The following CDH12 variants were observed in gnomAD, a reference collection of about 807,000 sequenced individuals.
CDH12 encodes cadherin 12.
A neutral mutation model predicts 74.1 loss-of-function variants in CDH12; 41 were observed. The ratio of observed to expected loss-of-function variants is 0.55; its 90% CI spans 0.43 to 0.72. The LOEUF (loss-of-function observed/expected upper bound fraction) is 0.72. CDH12 is among the 30% of genes least tolerant of loss of function. CDH12 has a pLI of 0.00. For synonymous variants in CDH12, 399 were observed against 355.0 expected (o/e 1.12, Z -1.39); for missense variants, 945 against 977.2 (o/e 0.97, Z 0.44).
chr5:22,376,445 G>A (rs1741527994), intron 3 of CDH12, among the ~76,000 whole-genome samples: 1 of 152,150 alleles, frequency 6.6e-6, no homozygotes, highest in Non-Finnish European at 1.5e-5. Context: ...GTAGCTAGAA[G>A]AGAGGACTTG....
At chr5:22,578,479 C>T (rs1259944610) in intron 1 of CDH12, among the ~76,000 whole-genome samples, 1 of 151,916 alleles carries the variant, frequency 6.6e-6, no homozygotes, top group Non-Finnish European at 1.5e-5. Context: ...TGTGTAAGTG[C>T]TCCTAAAACA....
intron 1 of CDH12, among the ~76,000 whole-genome samples, chr5:22,795,117 A>T (rs1041648506): frequency 2.0e-5 from 3 of 152,188 alleles, no homozygotes; most frequent in African/African-American, 7.2e-5. Context: ...TATTCAAACA[A>T]GGCTCTTTTG....
intron 4 of CDH12, among the ~76,000 whole-genome samples, chr5:22,170,396 A>C (rs1748949750): frequency 2.0e-5 from 3 of 151,810 alleles, no homozygotes. Context: ...CTTTTAAGGC[A>C]ATTGTACTTC....
chr5:21,767,209 T>G (rs1208988087), intron 11 of CDH12, among the ~76,000 whole-genome samples: 2 of 151,852 alleles, frequency 1.3e-5, no homozygotes, highest in African/African-American at 4.8e-5. Flanking sequence ...AAAATGAGAA[T>G]GTCTTTTTTA....
At chr5:22,409,681 A>G (rs1743098465) in intron 2 of CDH12, among the ~76,000 whole-genome samples, 1 of 152,094 alleles carries the variant, frequency 6.6e-6, no homozygotes, top group Non-Finnish European at 1.5e-5. Flanking sequence ...GATTCTACTC[A>G]ATGTTTCTTC....
chr5:22,375,924 A>G (rs929230038), intron 3 of CDH12, among the ~76,000 whole-genome samples: 7 of 152,216 alleles, frequency 4.6e-5, no homozygotes, highest in African/African-American at 7.2e-5. Flanking sequence ...AACTAAAAAT[A>G]AAACTACTGT....
chr5:21,837,054 C>A (rs1210801424), intron 8 of CDH12, among the ~76,000 whole-genome samples: 1 of 151,930 alleles, frequency 6.6e-6, no homozygotes, highest in Admixed American at 6.6e-5. Flanking sequence ...GGTTCTTGGA[C>A]AAGTTATCTA....
chr5:22,587,128 G>A (rs1211939236), intron 1 of CDH12, among the ~76,000 whole-genome samples: 1 of 151,996 alleles, frequency 6.6e-6, no homozygotes, highest in South Asian at 2.1e-4. Context: ...GAGCCATTGC[G>A]CACAGCCTAG....
At chr5:22,223,383 T>C (rs1580420890) in intron 3 of CDH12, among the ~76,000 whole-genome samples, 1 of 152,090 alleles carries the variant, frequency 6.6e-6, no homozygotes, top group Non-Finnish European at 1.5e-5. Context: ...GATCACAGTC[T>C]AAGAAAAAGA....
chr5:22,807,252 G>T (rs1464572755), intron 1 of CDH12, among the ~76,000 whole-genome samples: 2 of 152,044 alleles, frequency 1.3e-5, no homozygotes, highest in Non-Finnish European at 2.9e-5. Context: ...CATTATGTTG[G>T]AATTTTCAGT....
At chr5:22,690,288 A>G (rs1186833173) in intron 1 of CDH12, among the ~76,000 whole-genome samples, 1 of 152,148 alleles carries the variant, frequency 6.6e-6, no homozygotes, top group Non-Finnish European at 1.5e-5. Context: ...ACTCAAAGAT[A>G]AAACAGGGTA....
Position 22,072,846 on chromosome 5 carries a change from A to T in CDH12, c.231+5600T>A, listed in dbSNP as rs144722115. Among the ~76,000 whole-genome samples the T allele has an allele frequency of 5.1e-3, 781 of 152,036 alleles. 5 individuals carry two copies. The highest frequency in any genetic ancestry group is 0.018 in the African/African-American group (746 of 41,494). ...ATTGAAATGATTGTTAGCACTTAAGAGCCTGGCAGGATAATAAACCATGAT... is the reference window on the plus strand; with the variant it reads ...ATTGAAATGATTGTTAGCACTTAAGTGCCTGGCAGGATAATAAACCATGAT... On this transcript the variant is annotated intron_variant, in intron 5 of 14. Transcript: ENST00000382254.
intron 3 of CDH12, among the ~76,000 whole-genome samples, chr5:22,267,494 C>A (rs1242220790): frequency 6.6e-6 from 1 of 152,152 alleles, no homozygotes; most frequent in East Asian, 1.9e-4. Flanking sequence ...CATAATATCT[C>A]ATTGCAGACA....
intron 11 of CDH12, among the ~76,000 whole-genome samples, chr5:21,782,581 G>A (rs1745974125): frequency 6.6e-6 from 1 of 152,164 alleles, no homozygotes; most frequent in South Asian, 2.1e-4. Context: ...GCAAATGGAA[G>A]AGATTCAGTT....
chr5:22,377,151 C>T (rs1260462069), intron 3 of CDH12, among the ~76,000 whole-genome samples: 4 of 152,072 alleles, frequency 2.6e-5, no homozygotes, highest in Non-Finnish European at 5.9e-5. Context: ...CATTTTGGCT[C>T]ATACAGCAAC....
chr5:22,060,425 T>C (rs184765992), intron 5 of CDH12, among the ~76,000 whole-genome samples: 5 of 152,204 alleles, frequency 3.3e-5, no homozygotes, highest in African/African-American at 1.2e-4. Flanking sequence ...CCATGGCACA[T>C]GTATACCTAT....
At chr5:21,981,123 T>C (rs574324969) in intron 5 of CDH12, among the ~76,000 whole-genome samples, 9 of 152,138 alleles carry the variant, frequency 5.9e-5, no homozygotes, top group Non-Finnish European at 1.0e-4. Flanking sequence ...TAATTATAAA[T>C]TCGAATAATA....
intron 1 of CDH12, among the ~76,000 whole-genome samples, chr5:22,609,559 T>C (rs1027272675): frequency 2.0e-5 from 3 of 152,206 alleles, no homozygotes; most frequent in African/African-American, 2.4e-5. Flanking sequence ...TAAAAATATA[T>C]ATGTATGCAG....
chr5:22,062,863 T>C (rs1741286338), intron 5 of CDH12, among the ~76,000 whole-genome samples: 1 of 152,098 alleles, frequency 6.6e-6, no homozygotes, highest in South Asian at 2.1e-4. Flanking sequence ...TTATGAGCCT[T>C]GAATCACAAA....
Sources: gnomAD v4.1 joint callset for allele counts (sites outside exome capture counted in the v4.1 genomes callset) on GRCh38, gnomAD v4.1.1 for gene constraint, MANE v1.5 for transcripts, NCBI Gene and HGNC (gene_info 2026-07-23, HGNC 2026-07-21) for gene names.